The following PPME1 variants were observed in gnomAD, a reference collection of about 807,000 sequenced individuals.
The protein encoded by PPME1 is protein phosphatase methylesterase 1, also known as testicular secretory protein Li 39.
In PPME1, 17 loss-of-function variants were observed where a neutral mutation model predicts 56.9. The ratio of observed to expected loss-of-function variants is 0.30; its 90% confidence interval spans 0.20 to 0.45. The LOEUF (loss-of-function observed/expected upper bound fraction) is 0.45, where lower values mean the gene tolerates loss of function less well. PPME1 is among the 20% of genes least tolerant of loss of function. PPME1 has a pLI of 1.00. For missense variants in PPME1, 357 were observed against 483.2 expected, an observed-to-expected ratio of 0.74 and a Z score of 2.45; for synonymous variants, 122 against 156.2, an observed-to-expected ratio of 0.78 and a Z score of 1.63.
Position 74,247,067 on chromosome 11 carries a change from C to T in PPME1, c.965-12C>T. On this transcript the variant is annotated splice_polypyrimidine_tract_variant and intron_variant, in intron 10 of 13. Coordinates refer to ENST00000328257, the MANE Select transcript of PPME1 (RefSeq NM_016147.3). ...CAAAATCTGTTTCACAATGAATTCT[C>T]TTGTTTTCTAGGTGTTGATAGATTG... 2 of 1,607,354 alleles carry T rather than the reference C, an allele frequency of 1.2e-6. No homozygotes were observed. Among genetic ancestry groups the T allele is most frequent in the East Asian group, 2.2e-5 (1 of 44,826 alleles).
At chr11:74,201,226 C>T (rs368873908) in intron 1 of PPME1, among the ~76,000 whole-genome samples, 2 of 152,058 alleles carry the variant, frequency 1.3e-5, no homozygotes, top group African/African-American at 4.8e-5. Flanking sequence ...CTGCCCGCCT[C>T]GGCCTCCCAA....
chr11:74,173,549 A>ATT (rs1356361098), intron 1 of PPME1, among the ~76,000 whole-genome samples: 1 of 150,570 alleles, frequency 6.6e-6, no homozygotes, highest in Non-Finnish European at 1.5e-5. Flanking sequence ...TTTTCATTTT[A>ATT]TTTTTTTTTA....
intron 1 of PPME1, among the ~76,000 whole-genome samples, chr11:74,188,099 C>T (rs1211636743): frequency 6.6e-6 from 1 of 152,066 alleles, no homozygotes; most frequent in Non-Finnish European, 1.5e-5. Context: ...ACTAGACTAA[C>T]TCATTGCTAC....
chr11:74,178,911 A>G (rs1448811528), intron 1 of PPME1, among the ~76,000 whole-genome samples: 1 of 151,356 alleles, frequency 6.6e-6, no homozygotes, highest in African/African-American at 2.4e-5. Context: ...ACTACAAAAT[A>G]GTTTTTTTTT....
chr11:74,181,127 C>G (rs964616034), intron 1 of PPME1, among the ~76,000 whole-genome samples: 5 of 149,998 alleles, frequency 3.3e-5, no homozygotes, highest in Non-Finnish European at 7.4e-5. Flanking sequence ...TCACTGCAAG[C>G]TCCGCTTCCC....
chr11:74,216,724 C>A (rs1429469948), intron 3 of PPME1, among the ~76,000 whole-genome samples: 6 of 151,864 alleles, frequency 4.0e-5, no homozygotes, highest in Non-Finnish European at 5.9e-5. Context: ...ATGAAATTGG[C>A]AAACCTTTAG....
At chr11:74,174,698 T>A (rs1361377632) in intron 1 of PPME1, among the ~76,000 whole-genome samples, 3 of 152,232 alleles carry the variant, frequency 2.0e-5, no homozygotes, top group Non-Finnish European at 4.4e-5. Context: ...TTCCAAAGTA[T>A]TGTTGGATAA....
In PPME1 at chr11:74,235,883, CTTTCT is replaced by C. The variant is rs1859178213; in HGVS notation, c.645-10_645-6del. On this transcript the variant is annotated splice_polypyrimidine_tract_variant and intron_variant, in intron 7 of 13. Transcript: ENST00000328257. ...AGATACTGAATAACCTTCTCTCTTC[CTTTCT>C]TTTCTTTCCCAGTGTGAAGAGTGGC... The C allele has an allele frequency of 1.2e-6, 2 of 1,604,336 alleles. No individual in the cohort carries two copies. The highest frequency in any genetic ancestry group is 1.7e-6 in the Non-Finnish European group (2 of 1,175,218).
intron 1 of PPME1, among the ~76,000 whole-genome samples, chr11:74,181,653 CAT>C (rs1304978435): frequency 1.3e-5 from 2 of 152,228 alleles, no homozygotes; most frequent in African/African-American, 4.8e-5. Context: ...TTAATGGACA[CAT>C]AGCACAAATT....
intron 3 of PPME1, among the ~76,000 whole-genome samples, chr11:74,215,842 G>A (rs973586123): frequency 2.0e-5 from 3 of 152,154 alleles, no homozygotes; most frequent in Non-Finnish European, 2.9e-5. Context: ...AAACTAAAAA[G>A]TGGGAGTAGC....
At chr11:74,227,868 G>A (rs1234337500) in intron 5 of PPME1, among the ~76,000 whole-genome samples, 1 of 151,960 alleles carries the variant, frequency 6.6e-6, no homozygotes, top group Non-Finnish European at 1.5e-5. Flanking sequence ...TTCTACCTGG[G>A]TAAATATGCC....
intron 5 of PPME1, among the ~76,000 whole-genome samples, chr11:74,229,629 T>C (rs1439709612): frequency 2.0e-5 from 3 of 152,208 alleles, no homozygotes; most frequent in Non-Finnish European, 4.4e-5. Context: ...AAATAATAAT[T>C]AACATTTGTG....
chr11:74,229,971 T>C (rs926666989), intron 5 of PPME1, among the ~76,000 whole-genome samples: 9 of 152,266 alleles, frequency 5.9e-5, no homozygotes, highest in African/African-American at 2.2e-4. Flanking sequence ...GTACTACATA[T>C]GTGGAACAGT....
In PPME1 at chr11:74,230,386, T is replaced by G. The variant is rs1174195630; in HGVS notation, c.540T>G (p.Ile180Met). 6.2e-7 allele frequency: 1 copy of G among 1,613,602 alleles called. No individual in the cohort carries two copies. Among genetic ancestry groups the G allele is most frequent in the Non-Finnish European group, 8.5e-7 (1 of 1,179,766 alleles). The change falls in exon 6 of 14, where the codon ATT becomes ATG. Residue 180 changes from isoleucine (I) to methionine (M), a missense_variant. Around this residue, in one of 2 missense-constraint regions of PPME1, gnomAD observed 182 missense variants for 293.8 expected, o/e 0.62. Transcript: ENST00000328257. The surrounding 1 kb of genome is among the most constrained non-coding windows in gnomAD (Gnocchi z 4.9). ...CAAGCCTCTTGGGTCTGTGCATGAT[T>G]GATGTTGTAGAAGGTGAGTTTTCTT... ...LVPSLLGLCMIDVVEGTAMDA... is the reference protein window; with the variant it reads ...LVPSLLGLCMMDVVEGTAMDA...
chr11:74,198,127 T>G (rs1205388665), intron 1 of PPME1, among the ~76,000 whole-genome samples: 1 of 152,236 alleles, frequency 6.6e-6, no homozygotes, highest in Non-Finnish European at 1.5e-5. Flanking sequence ...ATTTATAAAC[T>G]GTAGGACTTA....
At chr11:74,177,476 C>T (rs1485899522) in intron 1 of PPME1, among the ~76,000 whole-genome samples, 1 of 151,574 alleles carries the variant, frequency 6.6e-6, no homozygotes, top group East Asian at 1.9e-4. Flanking sequence ...TCTTCTTTCT[C>T]ACTGATTAAA....
chr11:74,208,656 A>G (rs1858392653), intron 3 of PPME1, among the ~76,000 whole-genome samples: 1 of 152,226 alleles, frequency 6.6e-6, no homozygotes, highest in Non-Finnish European at 1.5e-5. Flanking sequence ...CAAAAGATGT[A>G]AGGTTCTTGG....
chr11:74,253,057 T>C (rs776601436), intron 13 of PPME1, among the ~76,000 whole-genome samples: 1 of 152,138 alleles, frequency 6.6e-6, no homozygotes, highest in Non-Finnish European at 1.5e-5. Flanking sequence ...GCAGAAGAAA[T>C]ATTAAGAAAA....
chr11:74,208,315 A>AG (rs1236515243), intron 3 of PPME1, among the ~76,000 whole-genome samples: 1 of 143,768 alleles, frequency 7.0e-6, no homozygotes, highest in Admixed American at 6.9e-5. Context: ...TGTCTCAAGA[A>AG]AAAAAAAAAA....
Sources: gnomAD v4.1 joint callset for allele counts (sites outside exome capture counted in the v4.1 genomes callset) on GRCh38, gnomAD v4.1.1 for gene constraint, gnomAD v4.1.1 regional missense constraint, Gnocchi (gnomAD v3.1) non-coding constraint, MANE v1.5 for transcripts, NCBI Gene and HGNC (gene_info 2026-07-23, HGNC 2026-07-21) for gene names.